The following SDK1 variants were observed in gnomAD, a reference collection of about 807,000 sequenced individuals.
The protein encoded by SDK1 is sidekick cell adhesion molecule 1, also known as protein sidekick-1.
SDK1 carries 157 observed loss-of-function variants against 245.5 expected under a neutral mutation model. The observed-to-expected ratio is 0.64, with a 90% CI of 0.56 to 0.73. The LOEUF (loss-of-function observed/expected upper bound fraction) is 0.73. Among genes scored for constraint, SDK1 ranks in the 30% least tolerant of loss-of-function variants. The probability of loss-of-function intolerance (pLI) is 0.00; values close to 1 mark genes in which losing one functional copy is unlikely to be tolerated. For synonymous variants in SDK1, 1,647 were observed against 1,278.5 expected, an observed-to-expected ratio of 1.29 and a Z score of -6.15; for missense variants, 3,583 against 3,002.3, an observed-to-expected ratio of 1.19 and a Z score of -4.52.
At chr7:4,101,109 C>T (rs964226187) in intron 22 of SDK1, among the ~76,000 whole-genome samples, 2 of 152,114 alleles carry the variant, frequency 1.3e-5, no homozygotes, top group African/African-American at 4.8e-5. Flanking sequence ...GCAGCCCTGA[C>T]CCTTTGGTTT....
In SDK1 at chr7:3,582,964, C is replaced by T. The variant is rs1018777240; in HGVS notation, c.299-36116C>T. Among the ~76,000 whole-genome samples the T allele has an allele frequency of 2.0e-5, 3 of 152,282 alleles. No homozygotes were observed. In the East Asian group the frequency reaches 5.8e-4, roughly 29 times the overall value. ...ACCAAGCAATCGTATAGGTAATGAT[C>T]ATGCATCTAGAACTCCGAAGTGTGC... On this transcript the variant is annotated intron_variant, in intron 1 of 44. Transcript: ENST00000404826.
At chr7:3,616,774 ATAGTT>A (rs1181497108) in intron 1 of SDK1, among the ~76,000 whole-genome samples, 1 of 152,230 alleles carries the variant, frequency 6.6e-6, no homozygotes, top group African/African-American at 2.4e-5. Flanking sequence ...TTTATACACT[ATAGTT>A]TAATGTGCAA....
At chr7:3,491,001 A>C (rs1028863815) in intron 1 of SDK1, among the ~76,000 whole-genome samples, 1 of 152,190 alleles carries the variant, frequency 6.6e-6, no homozygotes, top group African/African-American at 2.4e-5. Flanking sequence ...CAGACTGATC[A>C]CCTTGCCTGT....
intron 5 of SDK1, among the ~76,000 whole-genome samples, chr7:3,899,286 GAC>G: frequency 6.6e-6 from 1 of 152,192 alleles, no homozygotes; most frequent in South Asian, 2.1e-4. Flanking sequence ...CTTTTTCCAT[GAC>G]ACATCTGTCC....
intron 4 of SDK1, among the ~76,000 whole-genome samples, chr7:3,808,644 G>A (rs915638392): frequency 6.6e-6 from 1 of 152,168 alleles, no homozygotes; most frequent in Non-Finnish European, 1.5e-5. Context: ...TCCCAGCCTT[G>A]TTGATAAATC....
intron 5 of SDK1, among the ~76,000 whole-genome samples, chr7:3,906,868 A>C (rs1240172021): frequency 6.6e-6 from 1 of 151,916 alleles, no homozygotes; most frequent in African/African-American, 2.4e-5. Flanking sequence ...GAGCTCAGGC[A>C]ATCCGCCCAC....
intron 19 of SDK1, among the ~76,000 whole-genome samples, chr7:4,062,396 C>A (rs1038776396): frequency 1.4e-4 from 20 of 138,642 alleles, no homozygotes; most frequent in African/African-American, 6.1e-4. Flanking sequence ...TACAACCTAC[C>A]AAGATTGAAT....
At position 4,145,900 on chromosome 7, in the gene SDK1, C is replaced by T. The variant is rs1409160935; in HGVS notation, c.4407C>T (p.Ile1469=). The T allele has an allele frequency of 6.3e-7, 1 of 1,594,928 alleles. No homozygotes were observed. Among genetic ancestry groups the T allele is most frequent in the Non-Finnish European group, 8.5e-7 (1 of 1,170,968 alleles). The change falls in exon 29 of 45, where the codon ATC becomes ATT. Residue 1469 remains isoleucine (I), a synonymous_variant. Transcript: ENST00000404826. Reference sequence around the variant, plus strand: ...GGGAGCCACTGGAGGCCACCGTCATCACCACCGAGAAGAGAGGTAAGACCT... The same window carrying T: ...GGGAGCCACTGGAGGCCACCGTCATTACCACCGAGAAGAGAGGTAAGACCT... ...GWGEPLEATV[I]TTEKRERPAP...
chr7:3,599,254 G>T (rs1407270094), intron 1 of SDK1, among the ~76,000 whole-genome samples: 1 of 151,926 alleles, frequency 6.6e-6, no homozygotes, highest in Admixed American at 6.6e-5. Flanking sequence ...GTGCTGATTT[G>T]CCATCTGTAG....
intron 5 of SDK1, among the ~76,000 whole-genome samples, chr7:3,912,294 A>G (rs1171751849): frequency 1.3e-5 from 2 of 152,224 alleles, no homozygotes; most frequent in African/African-American, 4.8e-5. Flanking sequence ...ATTTGCTTTC[A>G]GATGCTAATG....
chr7:4,071,551 G>A (rs1171402454), intron 20 of SDK1, among the ~76,000 whole-genome samples: 1 of 152,216 alleles, frequency 6.6e-6, no homozygotes, highest in Non-Finnish European at 1.5e-5. Context: ...AAGGAATTAA[G>A]CAAAGGCAGG....
At chr7:4,007,136 G>T (rs1386758297) in intron 14 of SDK1, among the ~76,000 whole-genome samples, 1 of 152,252 alleles carries the variant, frequency 6.6e-6, no homozygotes, top group African/African-American at 2.4e-5. Context: ...TCCAGTATCA[G>T]TCAAGCTTCC....
At chr7:4,164,915 G>C (rs1040258374) in intron 32 of SDK1, among the ~76,000 whole-genome samples, 1 of 152,218 alleles carries the variant, frequency 6.6e-6, no homozygotes, top group African/African-American at 2.4e-5. Flanking sequence ...CTTGTCAACT[G>C]CCAGGCAATT....
intron 17 of SDK1, among the ~76,000 whole-genome samples, chr7:4,041,478 G>A (rs950464016): frequency 3.9e-5 from 6 of 151,954 alleles, no homozygotes; most frequent in South Asian, 2.1e-4. Flanking sequence ...CATAGTTTAC[G>A]TGAGGGTTCA....
chr7:3,861,607 A>G (rs370916120), intron 5 of SDK1, among the ~76,000 whole-genome samples: 2 of 152,194 alleles, frequency 1.3e-5, no homozygotes, highest in African/African-American at 4.8e-5. Context: ...ACCAGAAGGG[A>G]TGTCTGTTAA....
intron 5 of SDK1, among the ~76,000 whole-genome samples, chr7:3,946,356 T>G (rs139965185): frequency 2.3e-4 from 35 of 152,150 alleles, no homozygotes; most frequent in African/African-American, 7.5e-4. Flanking sequence ...AAAAAAATTA[T>G]TTTTGTAGAC....
At chr7:3,518,014 A>G (rs2128613527) in intron 1 of SDK1, among the ~76,000 whole-genome samples, 1 of 152,232 alleles carries the variant, frequency 6.6e-6, no homozygotes, top group Non-Finnish European at 1.5e-5. Flanking sequence ...GTACTTAAAG[A>G]GCCAATTAAG....
At chr7:3,475,935 C>T (rs1274117010) in intron 1 of SDK1, 1 of 152,578 alleles carries the variant, frequency 6.6e-6, no homozygotes, top group African/African-American at 2.4e-5. Context: ...CTTTAAAATT[C>T]TGTTAGCATT....
intron 22 of SDK1, among the ~76,000 whole-genome samples, chr7:4,103,387 A>G (rs186731545): frequency 6.2e-4 from 95 of 152,324 alleles, no homozygotes; most frequent in Middle Eastern, 3.4e-3. Context: ...AGTTGCTTCT[A>G]GAACATTCTT....
Sources: gnomAD v4.1 joint callset for allele counts (sites outside exome capture counted in the v4.1 genomes callset) on GRCh38, gnomAD v4.1.1 for gene constraint, MANE v1.5 for transcripts, NCBI Gene and HGNC (gene_info 2026-07-23, HGNC 2026-07-21) for gene names.